NEK1: variants seen among roughly 807,000 people sequenced by gnomAD.
NEK1 encodes NIMA related kinase 1, also known as serine/threonine-protein kinase Nek1.
A neutral mutation model predicts 182.1 loss-of-function variants in NEK1; 137 were observed. That is an observed-to-expected ratio of 0.75 (90% CI 0.65 to 0.87). The LOEUF is 0.87. NEK1 is among the 40% of genes least tolerant of loss of function. NEK1 has a pLI of 0.00. For synonymous variants in NEK1, 513 were observed against 492.2 expected (o/e 1.04, Z -0.56); for missense variants, 1,391 against 1,494.4 (o/e 0.93, Z 1.14).
chr4:169,581,605 C>G (rs1397179924), intron 10 of NEK1, among the ~76,000 whole-genome samples: 3 of 152,052 alleles, frequency 2.0e-5, no homozygotes, highest in Admixed American at 6.6e-5. Context: ...TTTATTAGTT[C>G]TCCAGATAGA....
chr4:169,562,190 G>T lies in NEK1; in HGVS notation c.1027C>A (p.Gln343Lys). 6.5e-7 allele frequency: 1 copy of T among 1,542,816 alleles called. No homozygotes were observed. The highest frequency in any genetic ancestry group is 8.8e-7 in the Non-Finnish European group (1 of 1,141,534). ...GTATTCACTCTCTTCTCTGGAGTTTGATGGGCCTGGACAAAAAGTAAAACT... is the reference window on the plus strand; with the variant it reads ...GTATTCACTCTCTTCTCTGGAGTTTTATGGGCCTGGACAAAAAGTAAAACT... Reference protein sequence around the residue: ...KPLQKHKQAHQTPEKRVNTGE... With the variant: ...KPLQKHKQAHKTPEKRVNTGE... The change falls in exon 13 of 36, where the codon CAA (glutamine) becomes AAA (lysine). Residue 343 changes from glutamine (Q) to lysine (K), a missense_variant. This residue lies in a region of NEK1 where 1,216 missense variants were observed against 1,277.6 expected (regional missense o/e 0.95). Coordinates refer to ENST00000507142, the MANE Select transcript of NEK1 (RefSeq NM_001199397.3).
chr4:169,416,570 T>A (rs1367999376), intron 31 of NEK1, among the ~76,000 whole-genome samples: 1 of 152,198 alleles, frequency 6.6e-6, no homozygotes, highest in Non-Finnish European at 1.5e-5. Flanking sequence ...CACAGATACA[T>A]AAATGTCTAG....
intron 19 of NEK1, among the ~76,000 whole-genome samples, chr4:169,534,896 A>G (rs56076741): frequency 0.12 from 18,595 of 152,248 alleles, 1,264 homozygotes; most frequent in East Asian, 0.17. Flanking sequence ...AGAAATGACA[A>G]AGATGGCAGA....
At chr4:169,420,108 C>T (rs1735227935) in intron 31 of NEK1, among the ~76,000 whole-genome samples, 1 of 152,110 alleles carries the variant, frequency 6.6e-6, no homozygotes, top group Non-Finnish European at 1.5e-5. Flanking sequence ...TTACTGTAAC[C>T]TTTTCACTTT....
Position 169,561,749 on chromosome 4 carries a change from T to G in NEK1, c.1141-12A>C, listed in dbSNP as rs772761301. 6.3e-7 allele frequency: 1 copy of G among 1,586,306 alleles called. No homozygotes were observed. Among genetic ancestry groups the G allele is most frequent in the South Asian group, 1.1e-5 (1 of 87,792 alleles). On this transcript the variant is annotated splice_polypyrimidine_tract_variant and intron_variant, in intron 14 of 35. Coordinates refer to ENST00000507142, the MANE Select transcript of NEK1 (RefSeq NM_001199397.3). ...ATTAAACTAATAATCTGTAACAATT[T>G]TAAAGACAAGCTTCTTACAACTCTT...
chr4:169,429,626 T>C (rs1737050248), intron 29 of NEK1, among the ~76,000 whole-genome samples: 1 of 152,090 alleles, frequency 6.6e-6, no homozygotes, highest in Non-Finnish European at 1.5e-5. Flanking sequence ...TTACTCACTC[T>C]TCTTTGAGGA....
chr4:169,574,621 A>G (rs1030949595), intron 12 of NEK1, among the ~76,000 whole-genome samples: 1 of 151,880 alleles, frequency 6.6e-6, no homozygotes, highest in Admixed American at 6.6e-5. Context: ...GAAAAAAAAA[A>G]AAAAAAAAGA....
rs770523747 is a variant in NEK1 at position 169,463,748 on chromosome 4, A to T, written c.2435-353T>A. On this transcript the variant is annotated intron_variant, in intron 26 of 35. Transcript: ENST00000507142. ...TTTTTTCAGACTTTGAAATATGTGC[A>T]TATACATAACGAGAATCTTGTTGAT... Among the ~76,000 whole-genome samples the T allele has an allele frequency of 3.0e-4, 45 of 152,258 alleles. 1 individual carries two copies. The highest frequency in any genetic ancestry group is 6.5e-4 in the Non-Finnish European group (44 of 68,004).
intron 12 of NEK1, among the ~76,000 whole-genome samples, chr4:169,563,151 G>A (rs1267663320): frequency 6.6e-6 from 1 of 152,008 alleles, no homozygotes; most frequent in Non-Finnish European, 1.5e-5. Context: ...CTTGAGCCTA[G>A]GAGTTTGAGA....
intron 26 of NEK1, among the ~76,000 whole-genome samples, chr4:169,465,681 A>C (rs1744795523): frequency 6.6e-6 from 1 of 152,148 alleles, no homozygotes; most frequent in Non-Finnish European, 1.5e-5. Context: ...CTGATTTATA[A>C]TTCACAAGGC....
rs531508641 is a variant in NEK1, at chr4:169,600,001, C to G, written c.215-804G>C. ...TCAGCCTCCCCAATAGCTAGGACTACAAGCCCATGCTACTGTGTCCAGCTT... is the reference window on the plus strand; with the variant it reads ...TCAGCCTCCCCAATAGCTAGGACTAGAAGCCCATGCTACTGTGTCCAGCTT... On this transcript the variant is annotated intron_variant, in intron 4 of 35. Transcript: ENST00000507142. Among the ~76,000 whole-genome samples the G allele has an allele frequency of 2.6e-5, 4 of 152,046 alleles. No homozygotes were observed. In the East Asian group the frequency reaches 7.8e-4, roughly 30 times the overall value.
intron 23 of NEK1, among the ~76,000 whole-genome samples, chr4:169,480,466 A>G (rs1160716117): frequency 2.0e-5 from 3 of 148,710 alleles, no homozygotes; most frequent in South Asian, 2.2e-4. Flanking sequence ...CAACAGCATT[A>G]TGTCTAAAAA....
chr4:169,444,894 C>T (rs940129509), intron 27 of NEK1, among the ~76,000 whole-genome samples: 5 of 152,160 alleles, frequency 3.3e-5, no homozygotes, highest in African/African-American at 1.2e-4. Context: ...TACTTCATAT[C>T]AAGTACCTTC....
chr4:169,553,975 A>T (rs1346319988), intron 18 of NEK1: 1 of 152,244 alleles, frequency 6.6e-6, no homozygotes, highest in Non-Finnish European at 1.5e-5. Context: ...ATGATCCAGC[A>T]ATCATCCTCT....
chr4:169,442,456 G>A (rs981730475), intron 27 of NEK1, among the ~76,000 whole-genome samples: 1 of 151,996 alleles, frequency 6.6e-6, no homozygotes, highest in South Asian at 2.1e-4. Context: ...CTTTGCCTAC[G>A]AAAGTCAATC....
At chr4:169,401,934 C>T in intron 32 of NEK1, 74 bp from the exon 33 acceptor site, 1 of 1,287,196 alleles carries the variant, frequency 7.8e-7, no homozygotes, top group Non-Finnish European at 1.1e-6. Context: ...AAAACTACCT[C>T]ATACTGAAAT....
At chr4:169,452,246 G>A (rs1054835321) in intron 27 of NEK1, among the ~76,000 whole-genome samples, 1 of 152,162 alleles carries the variant, frequency 6.6e-6, no homozygotes, top group Non-Finnish European at 1.5e-5. Flanking sequence ...GGTACAAAGA[G>A]GAGCTGGTAC....
At chr4:169,401,144 ATTAC>A (rs1405005601) in intron 33 of NEK1, among the ~76,000 whole-genome samples, 1 of 152,202 alleles carries the variant, frequency 6.6e-6, no homozygotes, top group Non-Finnish European at 1.5e-5. Context: ...TTTGAAAAAA[ATTAC>A]TTAGTCTTTT....
chr4:169,561,471 A>G lies in NEK1; in HGVS notation c.1266+9T>C. On this transcript the variant is annotated intron_variant, in intron 16 of 35. Transcript: ENST00000507142. ...TGGTAGTATAACCATATTGGTATAA[A>G]ATGCCTACCTTTACTTCACCACTTC... 1 of 1,612,286 alleles carries G rather than the reference A, an allele frequency of 6.2e-7. No homozygotes were observed. Among genetic ancestry groups the G allele is most frequent in the Middle Eastern group, 1.7e-4 (1 of 6,056 alleles).
Sources: allele counts gnomAD v4.1 joint callset (sites outside exome capture counted in the v4.1 genomes callset), GRCh38; gene constraint gnomAD v4.1.1; regional missense constraint gnomAD v4.1.1; transcripts MANE v1.5; gene names NCBI Gene and HGNC (gene_info 2026-07-23, HGNC 2026-07-21).